The following PLCB1 variants were observed in gnomAD, a reference collection of about 807,000 sequenced individuals.
PLCB1 encodes the protein phospholipase C beta 1.
PLCB1 carries 46 observed loss-of-function variants against 161.8 expected under a neutral mutation model. That is an observed-to-expected ratio of 0.28 (90% CI 0.22 to 0.36). PLCB1 has a LOEUF of 0.36. Ranked by LOEUF, PLCB1 falls within the 10% of genes least tolerant of loss-of-function variation. The pLI is 1.00. For synonymous variants in PLCB1, 517 were observed against 503.7 expected (o/e 1.03, Z -0.35); for missense variants, 1,016 against 1,472.5 (o/e 0.69, Z 5.07).
intron 4 of PLCB1, among the ~76,000 whole-genome samples, chr20:8,639,993 C>T (rs1458416540): frequency 6.6e-6 from 1 of 151,884 alleles, no homozygotes; most frequent in Non-Finnish European, 1.5e-5. Flanking sequence ...GACAAAGAAT[C>T]GTTCTTATAG....
chr20:8,330,410 A>G (rs971044590), intron 2 of PLCB1, among the ~76,000 whole-genome samples: 14 of 152,228 alleles, frequency 9.2e-5, no homozygotes, highest in African/African-American at 3.4e-4. Flanking sequence ...GCTGCATTTT[A>G]TAGCCGTAGA....
chr20:8,686,822 C>T (rs1004778920), intron 10 of PLCB1, among the ~76,000 whole-genome samples: 8 of 152,122 alleles, frequency 5.3e-5, no homozygotes, highest in African/African-American at 1.9e-4. Context: ...TTCCTTTCTG[C>T]TCCAGAGATG....
intron 3 of PLCB1, among the ~76,000 whole-genome samples, chr20:8,446,383 AAATT>A (rs1262982551): frequency 6.6e-6 from 1 of 152,208 alleles, no homozygotes; most frequent in Admixed American, 6.5e-5. Flanking sequence ...AACTCTCAAT[AAATT>A]AGGTATTGAT....
Position 8,196,786 on chromosome 20 carries a change from T to C in PLCB1, c.177+46415T>C, listed in dbSNP as rs187377563. Among the ~76,000 whole-genome samples the C allele has an allele frequency of 2.1e-3, 315 of 152,172 alleles. 3 individuals are homozygous for C. The highest frequency in any genetic ancestry group is 0.017 in the Middle Eastern group (5 of 292). Reference sequence around the variant, plus strand: ...TGCACCCATTAACTTTTCATTTACATTAGGTATATCTCCTAATGCTATCCC... The same window carrying C: ...TGCACCCATTAACTTTTCATTTACACTAGGTATATCTCCTAATGCTATCCC... On this transcript the variant is annotated intron_variant, in intron 2 of 31. Coordinates refer to ENST00000338037, the MANE Select transcript of PLCB1 (RefSeq NM_015192.4).
At chr20:8,632,950 T>C (rs1015081593) in intron 4 of PLCB1, among the ~76,000 whole-genome samples, 2 of 152,052 alleles carry the variant, frequency 1.3e-5, no homozygotes, top group Non-Finnish European at 2.9e-5. Flanking sequence ...TGACTTAACA[T>C]TTAATCCATA....
At chr20:8,812,996 T>C (rs1363871783) in intron 31 of PLCB1, among the ~76,000 whole-genome samples, 2 of 152,202 alleles carry the variant, frequency 1.3e-5, no homozygotes, top group Non-Finnish European at 2.9e-5. Flanking sequence ...GCCCAGGGAC[T>C]GTGGTAGGCA....
At chr20:8,338,828 A>G (rs1487835907) in intron 2 of PLCB1, among the ~76,000 whole-genome samples, 1 of 152,140 alleles carries the variant, frequency 6.6e-6, no homozygotes, top group Non-Finnish European at 1.5e-5. Context: ...CGCACATAAA[A>G]TACCCAGTGA....
chr20:8,750,912 TA>T, intron 23 of PLCB1: 1 of 1,068,162 alleles, frequency 9.4e-7, no homozygotes, highest in Non-Finnish European at 1.3e-6. Flanking sequence ...GATGCTGTCA[TA>T]AGGTAAAAAG....
At chr20:8,504,523 A>T (rs567181657) in intron 3 of PLCB1, among the ~76,000 whole-genome samples, 1 of 152,216 alleles carries the variant, frequency 6.6e-6, no homozygotes, top group Non-Finnish European at 1.5e-5. Flanking sequence ...TGGTTGTGTT[A>T]CACATGAAAT....
At chr20:8,335,348 A>G (rs6055750) in intron 2 of PLCB1, among the ~76,000 whole-genome samples, 6,895 of 152,076 alleles carry the variant, frequency 0.045, 513 homozygotes, top group African/African-American at 0.16. Context: ...TTGTTGAGGA[A>G]CTCTATTCTA....
intron 24 of PLCB1, among the ~76,000 whole-genome samples, chr20:8,759,383 A>C (rs1394594129): frequency 2.0e-5 from 3 of 152,250 alleles, no homozygotes; most frequent in Admixed American, 2.0e-4. Flanking sequence ...CTTTGAGACT[A>C]TGCAAATATC....
chr20:8,718,914 C>T (rs1979479594), intron 14 of PLCB1, among the ~76,000 whole-genome samples: 1 of 152,076 alleles, frequency 6.6e-6, no homozygotes, highest in Non-Finnish European at 1.5e-5. Context: ...TTTTAAAGAA[C>T]TTTTTAAAAT....
intron 2 of PLCB1, among the ~76,000 whole-genome samples, chr20:8,358,564 C>A (rs73086291): frequency 0.011 from 1,670 of 152,108 alleles, 15 homozygotes; most frequent in Non-Finnish European, 0.018. Flanking sequence ...CCTACCCTGC[C>A]CCATCTTGCT....
chr20:8,578,107 TC>T (rs1255225353), intron 3 of PLCB1, among the ~76,000 whole-genome samples: 1 of 152,248 alleles, frequency 6.6e-6, no homozygotes, highest in Non-Finnish European at 1.5e-5. Context: ...GTATACTCAT[TC>T]CTTTGTCTTC....
chr20:8,605,802 C>T (rs1291669861), intron 3 of PLCB1, among the ~76,000 whole-genome samples: 2 of 152,026 alleles, frequency 1.3e-5, no homozygotes, highest in Admixed American at 6.5e-5. Flanking sequence ...CTCTCATCCT[C>T]CCCACATGAG....
intron 3 of PLCB1, among the ~76,000 whole-genome samples, chr20:8,485,808 T>C (rs1421734503): frequency 6.6e-6 from 1 of 152,236 alleles, no homozygotes; most frequent in African/African-American, 2.4e-5. Context: ...GCTTGGACTT[T>C]ACTCCTAAAT....
chr20:8,810,336 C>A (rs964576984), intron 31 of PLCB1, among the ~76,000 whole-genome samples: 1 of 152,080 alleles, frequency 6.6e-6, no homozygotes, highest in Admixed American at 6.6e-5. Context: ...CCTTTCACTT[C>A]GGATGTACAC....
intron 2 of PLCB1, among the ~76,000 whole-genome samples, chr20:8,368,918 G>T (rs1986813761): frequency 8.1e-6 from 1 of 123,096 alleles, no homozygotes; most frequent in African/African-American, 3.2e-5. Context: ...TCTCATCCTT[G>T]TGTACTGGCT....
chr20:8,499,652 A>G (rs1983322628), intron 3 of PLCB1, among the ~76,000 whole-genome samples: 1 of 152,208 alleles, frequency 6.6e-6, no homozygotes, highest in Non-Finnish European at 1.5e-5. Context: ...CATGCCATTC[A>G]GGTAGCTCAA....
Sources: gnomAD v4.1 joint callset for allele counts (sites outside exome capture counted in the v4.1 genomes callset) on GRCh38, gnomAD v4.1.1 for gene constraint, MANE v1.5 for transcripts, NCBI Gene and HGNC (gene_info 2026-07-23, HGNC 2026-07-21) for gene names.